SUSD4: variants seen among roughly 807,000 people sequenced by gnomAD.
The protein encoded by SUSD4 is sushi domain-containing protein 4.
SUSD4 carries 41 observed loss-of-function variants against 50.5 expected under a neutral mutation model. The ratio of observed to expected loss-of-function variants is 0.81; its 90% CI spans 0.63 to 1.05. The LOEUF (loss-of-function observed/expected upper bound fraction) is 1.05, where lower values mean the gene tolerates loss of function less well. Among genes scored for constraint, SUSD4 ranks in the 50% least tolerant of loss-of-function variants. The pLI is 0.00. For synonymous variants in SUSD4, 257 were observed against 257.3 expected, an observed-to-expected ratio of 1.00 and a Z score of 0.01; for missense variants, 580 against 634.7, an observed-to-expected ratio of 0.91 and a Z score of 0.93.
At chr1:223,234,264 C>T (rs1660073090) in intron 5 of SUSD4, among the ~76,000 whole-genome samples, 1 of 152,156 alleles carries the variant, frequency 6.6e-6, no homozygotes. Context: ...CCTCATTTTC[C>T]AGCCTCCTTT....
intron 2 of SUSD4, among the ~76,000 whole-genome samples, chr1:223,303,860 T>C (rs113541853): frequency 0.053 from 8,050 of 152,266 alleles, 302 homozygotes; most frequent in East Asian, 0.12. Flanking sequence ...GAATTTACAA[T>C]ATAGTGTGTG....
chr1:223,263,146 G>C (rs1431012996), intron 5 of SUSD4, among the ~76,000 whole-genome samples: 3 of 152,158 alleles, frequency 2.0e-5, no homozygotes, highest in African/African-American at 2.4e-5. Context: ...TATCTTTAAA[G>C]GGCCCTCTCT....
Position 223,298,019 on chromosome 1 carries a change from T to C in SUSD4, c.149-5368A>G, listed in dbSNP as rs558852969. 1.3e-3 allele frequency among the ~76,000 whole-genome samples: 190 copies of C among 151,970 alleles called. 1 individual carries two copies. The highest frequency in any genetic ancestry group is 4.3e-3 in the African/African-American group (177 of 41,424). On this transcript the variant is annotated intron_variant, in intron 2 of 8. Transcript: ENST00000366878. ...ATGGATAAATGGGTAGATGAATAGA[T>C]GGATAAATGGATGGATGGATGAATG... is the stretch of plus-strand genomic sequence containing the variant.
At chr1:223,296,153 T>A (rs1664810321) in intron 2 of SUSD4, among the ~76,000 whole-genome samples, 1 of 152,108 alleles carries the variant, frequency 6.6e-6, no homozygotes, top group Non-Finnish European at 1.5e-5. Flanking sequence ...GCTCCTGCAG[T>A]ACTCCAGGTG....
intron 2 of SUSD4, among the ~76,000 whole-genome samples, chr1:223,353,110 C>A (rs1668457616): frequency 6.6e-6 from 1 of 152,178 alleles, no homozygotes; most frequent in Non-Finnish European, 1.5e-5. Context: ...CCACAAGGAC[C>A]TTTTCCATTT....
chr1:223,304,359 C>A (rs1665386013), intron 2 of SUSD4, among the ~76,000 whole-genome samples: 1 of 152,270 alleles, frequency 6.6e-6, no homozygotes, highest in Middle Eastern at 3.4e-3. Context: ...TTACAATAAT[C>A]AGAAGCATTT....
intron 5 of SUSD4, among the ~76,000 whole-genome samples, chr1:223,252,916 A>C (rs1255347374): frequency 6.6e-6 from 1 of 151,932 alleles, no homozygotes; most frequent in East Asian, 1.9e-4. Context: ...CATGGTAAAA[A>C]ACCCCATCTC....
At chr1:223,355,370 G>A (rs188236064) in intron 2 of SUSD4, among the ~76,000 whole-genome samples, 100 of 151,588 alleles carry the variant, frequency 6.6e-4, no homozygotes, top group African/African-American at 2.3e-3. Context: ...CACCGTGCCC[G>A]GCCACACCCA....
At chr1:223,224,919 G>C (rs1294942892) in intron 7 of SUSD4, among the ~76,000 whole-genome samples, 1 of 139,644 alleles carries the variant, frequency 7.2e-6, no homozygotes, top group Non-Finnish European at 1.5e-5. Context: ...ACTCAGGCTG[G>C]AGTACAGTGG....
Position 223,229,414 on chromosome 1 carries a change from T to C in SUSD4, c.725-26A>G. ...CTTGGGCAGTAGGGGAGAATAAAAGTTTCAGAACCACAAGCTCACCTTTGT... is the reference window on the plus strand; with the variant it reads ...CTTGGGCAGTAGGGGAGAATAAAAGCTTCAGAACCACAAGCTCACCTTTGT... On this transcript the variant is annotated intron_variant, in intron 5 of 8. Coordinates refer to ENST00000366878, the MANE Select transcript of SUSD4 (RefSeq NM_017982.4). The surrounding 1 kb of genome is among the most constrained non-coding windows in gnomAD (Gnocchi z 4.7). The C allele has an allele frequency of 6.4e-7, 1 of 1,563,814 alleles. No homozygotes were observed. The highest frequency in any genetic ancestry group is 8.7e-7 in the Non-Finnish European group (1 of 1,143,790).
intron 2 of SUSD4, among the ~76,000 whole-genome samples, chr1:223,304,785 C>T (rs1298055409): frequency 2.7e-5 from 3 of 111,042 alleles, no homozygotes; most frequent in African/African-American, 1.1e-4. Flanking sequence ...CTCTGTGTCT[C>T]AGGTTTCCAT....
At chr1:223,363,519 T>C in intron 1 of SUSD4, 59 bp from the exon 2 acceptor site, 2 of 1,354,088 alleles carry the variant, frequency 1.5e-6, no homozygotes, top group Non-Finnish European at 1.9e-6. Flanking sequence ...GGGGCCACGC[T>C]CCCCCTCCTC....
chr1:223,269,274 G>A (rs1388105834), intron 3 of SUSD4, among the ~76,000 whole-genome samples: 1 of 152,180 alleles, frequency 6.6e-6, no homozygotes, highest in Non-Finnish European at 1.5e-5. Context: ...TCTCACAAAG[G>A]CTCAGAGCAA....
At chr1:223,263,692 C>T (rs887817530) in intron 5 of SUSD4, 2 of 985,300 alleles carry the variant, frequency 2.0e-6, no homozygotes, top group African/African-American at 3.5e-5. Context: ...CGTCTCTGAT[C>T]CTTCTGAGCA....
In SUSD4 at chr1:223,255,628, C is replaced by T. The variant is rs141305817; in HGVS notation, c.724+9002G>A. 1.8e-4 allele frequency among the ~76,000 whole-genome samples: 28 copies of T among 152,240 alleles called. No homozygotes were observed. The East Asian group carries it at 5.2e-3, about 28-fold the overall frequency. ...AGCCTTATGTTCCAGAACCCCTGGC[C>T]AAGCATTACCTAACCTTGTATTAGC... is the stretch of plus-strand genomic sequence containing the variant. On this transcript the variant is annotated intron_variant, in intron 5 of 8. Transcript: ENST00000366878.
chr1:223,252,422 G>A (rs1661396924), intron 5 of SUSD4, among the ~76,000 whole-genome samples: 1 of 151,630 alleles, frequency 6.6e-6, no homozygotes, highest in Non-Finnish European at 1.5e-5. Context: ...GGATCGTTAT[G>A]CTCCAGGGAC....
chr1:223,355,219 A>T (rs1376144338), intron 2 of SUSD4, among the ~76,000 whole-genome samples: 1 of 151,968 alleles, frequency 6.6e-6, no homozygotes, highest in African/African-American at 2.4e-5. Flanking sequence ...GATTACAGGT[A>T]CATGCCACCA....
chr1:223,228,571 G>A (rs939113383), intron 6 of SUSD4, among the ~76,000 whole-genome samples: 1 of 152,228 alleles, frequency 6.6e-6, no homozygotes, highest in Non-Finnish European at 1.5e-5. Flanking sequence ...GGTGCACTGA[G>A]GCCAGTGGGG....
Position 223,332,856 on chromosome 1 carries a change from C to T in SUSD4, c.148+30422G>A, listed in dbSNP as rs577937759. ...GGGTACTGGGGAGGGTGGGGACCAT[C>T]CTGGGAGTGCCTTGCAATGGCCATC... On this transcript the variant is annotated intron_variant, in intron 2 of 8. Transcript: ENST00000366878. This position sits in a 1 kb window ranked among gnomAD's most constrained non-coding sequence, Gnocchi z 4.0. 6.6e-6 allele frequency among the ~76,000 whole-genome samples: 1 copy of T among 152,206 alleles called. No homozygotes were observed. Among genetic ancestry groups the T allele is most frequent in the African/African-American group, 2.4e-5 (1 of 41,514 alleles).
Sources: allele counts gnomAD v4.1 joint callset (sites outside exome capture counted in the v4.1 genomes callset), GRCh38; gene constraint gnomAD v4.1.1; non-coding constraint Gnocchi (gnomAD v3.1); transcripts MANE v1.5; gene names NCBI Gene and HGNC (gene_info 2026-07-23, HGNC 2026-07-21).